DENND4A: variants seen among roughly 807,000 people sequenced by gnomAD.
DENND4A encodes the protein DENN domain containing 4A, also known as C-myc promoter-binding protein.
Under a neutral mutation model 199.3 loss-of-function variants are expected in DENND4A, and 70 were observed. That is an observed-to-expected ratio of 0.35 (90% confidence interval 0.29 to 0.43). DENND4A has a LOEUF of 0.43. DENND4A is among the 20% of genes least tolerant of loss of function. The pLI is 1.00. For missense variants in DENND4A, 1,723 were observed against 2,255.8 expected, an observed-to-expected ratio of 0.76 and a Z score of 4.78; for synonymous variants, 686 against 766.9, an observed-to-expected ratio of 0.89 and a Z score of 1.74.
Position 65,690,932 on chromosome 15 carries a change from G to C in DENND4A, c.3662C>G (p.Thr1221Ser), listed in dbSNP as rs1381474110. ...CTCTTCTTCTTTTTGCTGCTGTTCA[G>C]TCTCAGCAACCAAAAGAGAGAGGGG... ...FDPLSLLVAE[T>S]EQQQKEEEEE... is the part of the protein sequence containing the mutation. Residue 1221 changes from threonine to serine, a missense_variant, in exon 23 of 33, where the codon ACT becomes AGT. Physicochemically the swap from Thr to Ser is moderately conservative, Grantham distance 58 (BLOSUM62 1). Around this residue, in one of 6 missense-constraint regions of DENND4A, gnomAD observed 650 missense variants for 738.1 expected, o/e 0.88. Coordinates refer to ENST00000443035, the MANE Select transcript of DENND4A (RefSeq NM_001320835.1). The C allele has an allele frequency of 6.9e-6, 11 of 1,604,130 alleles. No individual in the cohort carries two copies. Among genetic ancestry groups the C allele is most frequent in the African/African-American group, 1.3e-5 (1 of 74,926 alleles).
Position 65,691,054 on chromosome 15 carries a change from T to A in DENND4A, c.3540A>T (p.Gly1180=), listed in dbSNP as rs2076952695. The A allele has an allele frequency of 1.2e-6, 2 of 1,612,938 alleles. No homozygotes were observed. Among genetic ancestry groups the A allele is most frequent in the Non-Finnish European group, 1.7e-6 (2 of 1,179,436 alleles). The change falls in exon 23 of 33, where the codon GGA becomes GGT. Residue 1180 remains glycine (G), a synonymous_variant. Transcript: ENST00000443035. ...LDSETDVSKA[G]CVATQNPKRI... ...TCTTGGGATTTTGTGTAGCAACACA[T>A]CCTGCTTTTGATACATCTGTTTCAC...
At chr15:65,711,999 C>T (rs1333133942) in intron 14 of DENND4A, among the ~76,000 whole-genome samples, 1 of 152,218 alleles carries the variant, frequency 6.6e-6, no homozygotes, top group Non-Finnish European at 1.5e-5. Flanking sequence ...TAGCAAAACA[C>T]TGCTACCATT....
At position 65,704,622 on chromosome 15, in the gene DENND4A, G is replaced by A. The variant is rs370185330; in HGVS notation, c.2087+1469C>T. Among the ~76,000 whole-genome samples, 268 of 152,258 alleles carry A rather than the reference G, an allele frequency of 1.8e-3. 2 individuals are homozygous for A. Among genetic ancestry groups the A allele is most frequent in the African/African-American group, 6.0e-3 (249 of 41,546 alleles). On this transcript the variant is annotated intron_variant, in intron 15 of 32. Transcript: ENST00000443035. ...GTGGTTTTTTTGGAGATAGAGTCTCGTTCTGTCACGCAGGCTGGAGTGCAG... is the reference window on the plus strand; with the variant it reads ...GTGGTTTTTTTGGAGATAGAGTCTCATTCTGTCACGCAGGCTGGAGTGCAG...
chr15:65,667,962 G>A lies in DENND4A; in HGVS notation c.4949C>T (p.Ser1650Phe), dbSNP rs1394096275. Reference sequence around the variant, plus strand: ...TAAAGTAGCTGGCAGGCTGCCTGTAGAAATGAGCTTCTGTCTTCCAGTATC... The same window carrying A: ...TAAAGTAGCTGGCAGGCTGCCTGTAAAAATGAGCTTCTGTCTTCCAGTATC... ...KEDTGRQKLI[S>F]TGSLPATLQG... The change falls in exon 28 of 33, where the codon TCT (serine) becomes TTT (phenylalanine). Residue 1650 changes from serine to phenylalanine, a missense_variant. Ser to Phe is a radical substitution (Grantham distance 155). This residue lies in a region of DENND4A where 141 missense variants were observed against 170.7 expected (regional missense o/e 0.83). Coordinates refer to ENST00000443035, the MANE Select transcript of DENND4A (RefSeq NM_001320835.1). 1 of 1,610,524 alleles carries A rather than the reference G, an allele frequency of 6.2e-7. No homozygotes were observed. The highest frequency in any genetic ancestry group is 1.7e-5 in the Admixed American group (1 of 58,934).
intron 1 of DENND4A, among the ~76,000 whole-genome samples, chr15:65,782,907 A>G (rs957226699): frequency 1.3e-5 from 2 of 152,086 alleles, no homozygotes; most frequent in Non-Finnish European, 1.5e-5. Flanking sequence ...TCAACTAACA[A>G]CCAAATGAAG....
At position 65,659,234 on chromosome 15, in the gene DENND4A, G is replaced by C. The variant is rs183509838; in HGVS notation, c.*2617C>G. ...GCAAAAGGGCATTTCTCTCCAACAT[G>C]ATTGGCCATTATTCTCCAAAATGTA... On this transcript the variant is annotated 3_prime_UTR_variant, in exon 33 of 33. Transcript: ENST00000443035. 1.3e-5 allele frequency: 2 copies of C among 149,734 alleles called. No homozygotes were observed. The highest frequency in any genetic ancestry group is 3.0e-5 in the Non-Finnish European group (2 of 67,718). 9.3% of individuals were successfully genotyped at this position (149,734 alleles called of 1,614,324 possible).
chr15:65,713,585 T>C (rs895873237), intron 14 of DENND4A, among the ~76,000 whole-genome samples: 4 of 152,252 alleles, frequency 2.6e-5, no homozygotes, highest in African/African-American at 4.8e-5. Flanking sequence ...TTTCAGTTGA[T>C]TGATATCTGT....
chr15:65,773,279 T>C (rs1248551981), intron 1 of DENND4A, among the ~76,000 whole-genome samples: 1 of 152,182 alleles, frequency 6.6e-6, no homozygotes, highest in African/African-American at 2.4e-5. Flanking sequence ...ATTTCTGTAA[T>C]TTGCAACCAA....
At chr15:65,760,948 G>GT (rs1012518030) in intron 2 of DENND4A, among the ~76,000 whole-genome samples, 4 of 152,026 alleles carry the variant, frequency 2.6e-5, no homozygotes, top group Non-Finnish European at 2.9e-5. Context: ...TATTTAATAA[G>GT]TTTTTTTGAG....
chr15:65,684,969 C>T (rs1028439217), intron 23 of DENND4A, among the ~76,000 whole-genome samples: 1 of 151,852 alleles, frequency 6.6e-6, no homozygotes, highest in Non-Finnish European at 1.5e-5. Context: ...GGATTACAGG[C>T]ATGCACCACC....
chr15:65,766,718 TCATC>T (rs1365932972), intron 1 of DENND4A: 2 of 152,152 alleles, frequency 1.3e-5, no homozygotes, highest in Non-Finnish European at 2.9e-5. Context: ...CAGAGAGTGA[TCATC>T]CATTAAATCC....
In DENND4A at chr15:65,690,983, T is replaced by G. The variant is rs1185683067; in HGVS notation, c.3611A>C (p.Lys1204Thr). The change falls in exon 23 of 33, where the codon AAA (lysine) becomes ACA (threonine). Residue 1204 changes from lysine (K) to threonine (T), a missense_variant. By Grantham distance (78) the Lys-to-Thr change is moderately conservative. Coordinates refer to ENST00000443035, the MANE Select transcript of DENND4A (RefSeq NM_001320835.1). Reference protein sequence around the residue: ...NSSFSVKPFEKTDVATGFDPL... With the variant: ...NSSFSVKPFETTDVATGFDPL... ...ATCAAATCCTGTTGCGACATCAGTT[T>G]TTTCAAAAGGTTTTACTGAAAAGCT... The G allele has an allele frequency of 3.7e-6, 6 of 1,606,210 alleles. No homozygotes were observed. The highest frequency in any genetic ancestry group is 5.1e-6 in the Non-Finnish European group (6 of 1,175,976).
chr15:65,663,192 A>AT lies in DENND4A; in HGVS notation c.5587+1137dup, dbSNP rs1233417060. Among the ~76,000 whole-genome samples, 111 of 122,010 alleles carry AT rather than the reference A, an allele frequency of 9.1e-4. 1 individual carries two copies. The highest frequency in any genetic ancestry group is 3.7e-3 in the African/African-American group (103 of 27,950). The allele number at this position is 122,010 out of a possible 152,430, so 80.0% of individuals were successfully genotyped here. A position where few individuals can be genotyped will look rare whatever the true frequency, so the allele number is the denominator to read the frequency against. ...TGTGTGTGTGTATATATATATATAT[A>AT]TATATATTTTTTTTTTTTTATTTTT... is the stretch of plus-strand genomic sequence containing the variant. On this transcript the variant is annotated intron_variant, in intron 32 of 32. Transcript: ENST00000443035.
intron 25 of DENND4A, among the ~76,000 whole-genome samples, chr15:65,670,513 C>T (rs956156338): frequency 1.3e-5 from 2 of 152,112 alleles, no homozygotes; most frequent in Non-Finnish European, 2.9e-5. Context: ...TTTGTAATTA[C>T]ATATTACAAA....
intron 1 of DENND4A, among the ~76,000 whole-genome samples, chr15:65,768,130 G>A (rs1322231513): frequency 6.6e-6 from 1 of 152,012 alleles, no homozygotes. Context: ...AGTAGCTTGG[G>A]ACTATAGGCG....
Position 65,674,929 on chromosome 15 carries a change from T to C in DENND4A, c.4369+1516A>G, listed in dbSNP as rs148634405. Among the ~76,000 whole-genome samples the C allele has an allele frequency of 3.6e-3, 543 of 152,278 alleles. 3 individuals are homozygous for C. Among genetic ancestry groups the C allele is most frequent in the Middle Eastern group, 0.014 (4 of 294 alleles). On this transcript the variant is annotated intron_variant, in intron 24 of 32. Coordinates refer to ENST00000443035, the MANE Select transcript of DENND4A (RefSeq NM_001320835.1). ...GGAGAAAGGAACAGATAAAGTAAGATTGGTTATTGGTTGATAATTATTGAA... is the reference window on the plus strand; with the variant it reads ...GGAGAAAGGAACAGATAAAGTAAGACTGGTTATTGGTTGATAATTATTGAA...
In DENND4A at chr15:65,671,897, G is replaced by A. The variant is rs763655238; in HGVS notation, c.4370-11C>T. On this transcript the variant is annotated splice_polypyrimidine_tract_variant and intron_variant, in intron 24 of 32. Transcript: ENST00000443035. ...ACTTCGACAGAGATCCTGTTCATTA[G>A]TGAAAAACAAAGAACAGAAACCATT... 39 of 1,512,988 alleles carry A rather than the reference G, an allele frequency of 2.6e-5. No homozygotes were observed. The highest frequency in any genetic ancestry group is 3.3e-5 in the Admixed American group (2 of 59,846). 93.7% of individuals were successfully genotyped at this position (1,512,988 alleles called of 1,614,324 possible).
Position 65,700,635 on chromosome 15 carries a change from C to T in DENND4A, c.2742G>A (p.Met914Ile). 1.3e-6 allele frequency: 2 copies of T among 1,546,106 alleles called. No homozygotes were observed. The highest frequency in any genetic ancestry group is 1.7e-6 in the Non-Finnish European group (2 of 1,144,906). ...CAGTGTGTGTCCCATGACCACTATC[C>T]ATGCTGCCATGACTAACAGCATCCA... ...SDLDAVSHGS[M>I]DSGHGTHTVE... The change falls in exon 20 of 33, where the codon ATG (methionine) becomes ATA (isoleucine). Residue 914 changes from methionine (M) to isoleucine (I), a missense_variant. This residue lies in a region of DENND4A where 650 missense variants were observed against 738.1 expected (regional missense o/e 0.88). Coordinates refer to ENST00000443035, the MANE Select transcript of DENND4A (RefSeq NM_001320835.1).
At chr15:65,772,701 C>T (rs1484999025) in intron 1 of DENND4A, among the ~76,000 whole-genome samples, 2 of 95,530 alleles carry the variant, frequency 2.1e-5, no homozygotes, top group East Asian at 4.2e-4. Context: ...AATGAGACTC[C>T]GTCTCAAAAA....
Sources: allele counts gnomAD v4.1 joint callset (sites outside exome capture counted in the v4.1 genomes callset), GRCh38; gene constraint gnomAD v4.1.1; regional missense constraint gnomAD v4.1.1; transcripts MANE v1.5; gene names NCBI Gene and HGNC (gene_info 2026-07-23, HGNC 2026-07-21).